Variants in FAM135B observed in about 807,000 individuals in gnomAD.
The protein encoded by FAM135B is family with sequence similarity 135 member B, also known as protein FAM135B.
A neutral mutation model predicts 127.7 loss-of-function variants in FAM135B; 43 were observed. The ratio of observed to expected loss-of-function variants is 0.34; its 90% confidence interval spans 0.26 to 0.43. The LOEUF (loss-of-function observed/expected upper bound fraction) is 0.43. Among genes scored for constraint, FAM135B ranks in the 20% least tolerant of loss-of-function variants. FAM135B has a pLI of 1.00. For synonymous variants in FAM135B, 670 were observed against 665.1 expected, an observed-to-expected ratio of 1.01 and a Z score of -0.11; for missense variants, 1,558 against 1,725.6, an observed-to-expected ratio of 0.90 and a Z score of 1.72.
At chr8:138,489,852 CT>C (rs1394196052) in intron 1 of FAM135B, among the ~76,000 whole-genome samples, 1 of 152,194 alleles carries the variant, frequency 6.6e-6, no homozygotes, top group Non-Finnish European at 1.5e-5. Flanking sequence ...GTAACTCCTA[CT>C]TTCCATTCAT....
chr8:138,445,885 A>C (rs201252379), intron 1 of FAM135B, among the ~76,000 whole-genome samples: 3 of 152,082 alleles, frequency 2.0e-5, no homozygotes, highest in Admixed American at 1.3e-4. Context: ...CAGATGACAT[A>C]ATTGTATATC....
chr8:138,253,083 G>C (rs60803858), intron 5 of FAM135B, among the ~76,000 whole-genome samples: 1 of 151,998 alleles, frequency 6.6e-6, no homozygotes, highest in African/African-American at 2.4e-5. Context: ...TTACAGGTGC[G>C]AGCCACCTTG....
intron 4 of FAM135B, among the ~76,000 whole-genome samples, chr8:138,264,023 A>G (rs776581747): frequency 6.6e-6 from 1 of 152,144 alleles, no homozygotes; most frequent in Non-Finnish European, 1.5e-5. Flanking sequence ...ATGGCCCACA[A>G]TGCTGGGCCT....
intron 11 of FAM135B, among the ~76,000 whole-genome samples, chr8:138,171,756 C>A (rs536356343): frequency 1.3e-5 from 2 of 152,234 alleles, no homozygotes; most frequent in East Asian, 3.9e-4. Flanking sequence ...AGGGCCACAG[C>A]CTCATCTGTG....
At chr8:138,372,009 C>A (rs1187655112) in intron 1 of FAM135B, among the ~76,000 whole-genome samples, 1 of 152,158 alleles carries the variant, frequency 6.6e-6, no homozygotes, top group African/African-American at 2.4e-5. Flanking sequence ...GTGACAATCA[C>A]AATGACAGTG....
chr8:138,497,551 A>T (rs1214612294), upstream of FAM135B, among the ~76,000 whole-genome samples: 2 of 152,026 alleles, frequency 1.3e-5, no homozygotes, highest in Admixed American at 6.6e-5. Flanking sequence ...CTGGGAGGGG[A>T]CTGTTGAACT....
At chr8:138,289,997 C>A (rs1824983739) in intron 3 of FAM135B, among the ~76,000 whole-genome samples, 1 of 152,144 alleles carries the variant, frequency 6.6e-6, no homozygotes, top group Admixed American at 6.5e-5. Flanking sequence ...TCATGCCAGG[C>A]CAAATGTGGA....
chr8:138,234,866 A>C (rs7007918), intron 7 of FAM135B, among the ~76,000 whole-genome samples: 5,169 of 152,224 alleles, frequency 0.034, 290 homozygotes, highest in African/African-American at 0.12. Flanking sequence ...TATAATCAGG[A>C]GACGATAATG....
rs1380436696 is a variant in FAM135B, at chr8:138,408,823, TC to T, written c.-19-40822del. Among the ~76,000 whole-genome samples, 3 of 152,064 alleles carry T rather than the reference TC, an allele frequency of 2.0e-5. No individual in the cohort carries two copies. The East Asian group carries it at 5.8e-4, about 29-fold the overall frequency. On this transcript the variant is annotated intron_variant, in intron 1 of 19. Coordinates refer to ENST00000395297, the MANE Select transcript of FAM135B (RefSeq NM_015912.4). ...CATGATCCAGTTACCTCTCACCAGG[TC>T]CCTCTCTTGACACGTGGGGTTACAA... is the stretch of plus-strand genomic sequence containing the variant.
At chr8:138,381,112 G>T (rs987465089) in intron 1 of FAM135B, among the ~76,000 whole-genome samples, 1 of 152,126 alleles carries the variant, frequency 6.6e-6, no homozygotes, top group Non-Finnish European at 1.5e-5. Flanking sequence ...AACAGACCCA[G>T]CCCTCTTTCA....
At chr8:138,435,168 G>A (rs1327894269) in intron 1 of FAM135B, among the ~76,000 whole-genome samples, 1 of 151,966 alleles carries the variant, frequency 6.6e-6, no homozygotes, top group Non-Finnish European at 1.5e-5. Flanking sequence ...CGTCGTGGCA[G>A]GCGCCTGTAA....
intron 1 of FAM135B, chr8:138,439,521 G>C (rs1033053071): frequency 1.3e-5 from 2 of 152,246 alleles, no homozygotes; most frequent in East Asian, 3.9e-4. Context: ...CATTTCCTAG[G>C]GGGAGGGAAC....
At chr8:138,300,424 G>A (rs912759806) in intron 3 of FAM135B, among the ~76,000 whole-genome samples, 1 of 152,016 alleles carries the variant, frequency 6.6e-6, no homozygotes, top group Non-Finnish European at 1.5e-5. Flanking sequence ...AATAAAATCT[G>A]TTCCTTTTCA....
intron 2 of FAM135B, among the ~76,000 whole-genome samples, chr8:138,327,762 G>A (rs1042488343): frequency 1.3e-5 from 2 of 152,124 alleles, no homozygotes; most frequent in Admixed American, 6.5e-5. Context: ...AATTATAATC[G>A]TAATCATAGG....
intron 2 of FAM135B, among the ~76,000 whole-genome samples, chr8:138,335,206 G>C (rs1184029673): frequency 6.6e-6 from 1 of 152,090 alleles, no homozygotes; most frequent in Non-Finnish European, 1.5e-5. Context: ...GTCTGTTCTT[G>C]GGAATCCCAT....
chr8:138,133,392 A>G (rs9987152), intron 19 of FAM135B, among the ~76,000 whole-genome samples: 2,683 of 152,298 alleles, frequency 0.018, 42 homozygotes, highest in Non-Finnish European at 0.027. Context: ...GAGGTCTTGG[A>G]GCCATGCAGT....
chr8:138,213,813 A>G (rs1263718665), intron 7 of FAM135B, among the ~76,000 whole-genome samples: 2 of 152,200 alleles, frequency 1.3e-5, no homozygotes, highest in African/African-American at 4.8e-5. Flanking sequence ...GAACCCACTT[A>G]GAGGACAGTA....
At chr8:138,180,723 T>C (rs545829748) in intron 9 of FAM135B, among the ~76,000 whole-genome samples, 53 of 152,336 alleles carry the variant, frequency 3.5e-4, no homozygotes, top group Middle Eastern at 3.4e-3. Flanking sequence ...TGCTTCCAGA[T>C]ACAGAACATC....
At chr8:138,133,264 T>A (rs1050156034) in intron 19 of FAM135B, among the ~76,000 whole-genome samples, 2 of 152,244 alleles carry the variant, frequency 1.3e-5, no homozygotes, top group African/African-American at 4.8e-5. Context: ...CTCCTCTGAT[T>A]CCAAAGAAGG....
Sources: allele counts gnomAD v4.1 joint callset (sites outside exome capture counted in the v4.1 genomes callset), GRCh38; gene constraint gnomAD v4.1.1; transcripts MANE v1.5; gene names NCBI Gene and HGNC (gene_info 2026-07-23, HGNC 2026-07-21).